SLC7A11: variants seen among roughly 807,000 people sequenced by gnomAD.
SLC7A11 encodes cystine/glutamate transporter.
In SLC7A11, 35 loss-of-function variants were observed where a neutral mutation model predicts 54.5. The observed-to-expected ratio is 0.64, with a 90% CI of 0.49 to 0.85. SLC7A11 has a LOEUF of 0.85. Among genes scored for constraint, SLC7A11 ranks in the 40% least tolerant of loss-of-function variants. The pLI is 0.00. For missense variants in SLC7A11, 583 were observed against 618.1 expected (o/e 0.94, Z 0.60); for synonymous variants, 230 against 225.2 (o/e 1.02, Z -0.19).
intron 3 of SLC7A11, among the ~76,000 whole-genome samples, chr4:138,226,428 T>C (rs1469680147): frequency 6.6e-6 from 1 of 152,102 alleles, no homozygotes; most frequent in Admixed American, 6.6e-5. Context: ...AAAAAAAAGA[T>C]GAATTTTTTT....
At chr4:138,180,331 C>T (rs1219567650) in intron 10 of SLC7A11, among the ~76,000 whole-genome samples, 1 of 152,100 alleles carries the variant, frequency 6.6e-6, no homozygotes, top group African/African-American at 2.4e-5. Context: ...ACAGAAGTAG[C>T]CCATACTTTG....
chr4:138,236,578 C>T (rs1441908563), intron 1 of SLC7A11, 127 bp from the exon 2 acceptor site: 4 of 849,638 alleles, frequency 4.7e-6, no homozygotes, highest in Non-Finnish European at 7.3e-6. Flanking sequence ...TGAATGGCAT[C>T]CTTACTCAAG....
intron 9 of SLC7A11, among the ~76,000 whole-genome samples, chr4:138,181,781 C>T (rs1307505624): frequency 6.6e-6 from 1 of 152,104 alleles, no homozygotes; most frequent in Non-Finnish European, 1.5e-5. Flanking sequence ...AAATTTACCT[C>T]GTGGTGCTTT....
intron 6 of SLC7A11, among the ~76,000 whole-genome samples, chr4:138,204,457 G>A (rs939756496): frequency 6.6e-6 from 1 of 151,936 alleles, no homozygotes; most frequent in Non-Finnish European, 1.5e-5. Flanking sequence ...AATTATCTGG[G>A]AGTGGACTTG....
intron 6 of SLC7A11, among the ~76,000 whole-genome samples, chr4:138,197,213 C>G (rs767368591): frequency 6.6e-6 from 1 of 151,986 alleles, no homozygotes; most frequent in Non-Finnish European, 1.5e-5. Flanking sequence ...TAAATTTATT[C>G]ATGTTTAATC....
chr4:138,231,137 T>A (rs1402143032), intron 3 of SLC7A11, among the ~76,000 whole-genome samples: 1 of 152,100 alleles, frequency 6.6e-6, no homozygotes, highest in Non-Finnish European at 1.5e-5. Flanking sequence ...AAATAATGTA[T>A]ACACATAGAC....
intron 2 of SLC7A11, among the ~76,000 whole-genome samples, chr4:138,233,661 A>G (rs4863777): frequency 0.43 from 64,720 of 151,874 alleles, 14,535 homozygotes; most frequent in Middle Eastern, 0.62. Flanking sequence ...TTCTTTTCCT[A>G]GACACCCTCC....
intron 6 of SLC7A11, among the ~76,000 whole-genome samples, chr4:138,192,544 T>A (rs1737036106): frequency 6.6e-6 from 1 of 151,574 alleles, no homozygotes; most frequent in South Asian, 2.1e-4. Flanking sequence ...GCTAGCATTA[T>A]TCTAACTAAT....
chr4:138,175,767 G>C (rs986889144), intron 11 of SLC7A11: 2 of 152,070 alleles, frequency 1.3e-5, no homozygotes, highest in South Asian at 2.1e-4. Flanking sequence ...TTCCCTGGCT[G>C]TCAGTTCTCA....
intron 6 of SLC7A11, among the ~76,000 whole-genome samples, chr4:138,200,423 A>C (rs1201083410): frequency 1.3e-5 from 2 of 152,140 alleles, no homozygotes. Flanking sequence ...TTTGACTAAC[A>C]GCTTTAGAAA....
intron 6 of SLC7A11, among the ~76,000 whole-genome samples, chr4:138,189,110 T>C (rs1736947218): frequency 6.6e-6 from 1 of 152,172 alleles, no homozygotes; most frequent in African/African-American, 2.4e-5. Flanking sequence ...TTGCTTTATT[T>C]GAAATTGTTA....
Position 138,164,394 on chromosome 4 carries a change from G to A in SLC7A11, c.*7562C>T, listed in dbSNP as rs1054204652. The A allele has an allele frequency of 2.6e-5, 4 of 152,086 alleles. No homozygotes were observed. The highest frequency in any genetic ancestry group is 9.7e-5 in the African/African-American group (4 of 41,448). 9.4% of individuals were successfully genotyped at this position (152,086 alleles called of 1,614,324 possible). A position where few individuals can be genotyped will look rare whatever the true frequency, so the allele number is the denominator to read the frequency against. ...GCCCATAAACACCATCTGGCATTGT[G>A]ATTGCAGTACCAGAACTCTCCCCAG... On this transcript the variant is annotated 3_prime_UTR_variant, in exon 12 of 12. Coordinates refer to ENST00000280612, the MANE Select transcript of SLC7A11 (RefSeq NM_014331.4).
chr4:138,165,912 T>A lies in SLC7A11; in HGVS notation c.*6044A>T, dbSNP rs1264885668. The stretch of plus-strand genomic sequence containing the variant: ...AAATTGTTGGAGAATTCTGGTTGTT[T>A]GTGCAATAATCATAGTGATTTACAT... On this transcript the variant is annotated 3_prime_UTR_variant, in exon 12 of 12. Transcript: ENST00000280612. The A allele has an allele frequency of 6.6e-6, 1 of 152,216 alleles. No homozygotes were observed. The highest frequency in any genetic ancestry group is 1.9e-4 in the East Asian group (1 of 5,194). 9.4% of individuals were successfully genotyped at this position (152,216 alleles called of 1,614,324 possible).
At chr4:138,197,664 T>C (rs965593031) in intron 6 of SLC7A11, among the ~76,000 whole-genome samples, 7 of 151,964 alleles carry the variant, frequency 4.6e-5, no homozygotes, top group African/African-American at 9.7e-5. Flanking sequence ...ATTCTCTTCA[T>C]CCACTTGAAC....
intron 4 of SLC7A11, 44 bp from the exon 5 acceptor site, chr4:138,219,409 G>A (rs764882187): frequency 8.6e-7 from 1 of 1,168,406 alleles, no homozygotes; most frequent in Non-Finnish European, 1.3e-6. Context: ...CAAAGAATTG[G>A]TTCTTATTCA....
intron 6 of SLC7A11, among the ~76,000 whole-genome samples, chr4:138,214,242 C>T (rs569276748): frequency 6.6e-6 from 1 of 151,988 alleles, no homozygotes; most frequent in African/African-American, 2.4e-5. Context: ...TTCAAGCTAT[C>T]CCGTGGGTAG....
intron 11 of SLC7A11, chr4:138,174,730 G>A (rs536421215): frequency 2.6e-5 from 4 of 152,112 alleles, no homozygotes; most frequent in Admixed American, 6.5e-5. Flanking sequence ...ATCAACCCGC[G>A]GTACTCTTTC....
intron 6 of SLC7A11, among the ~76,000 whole-genome samples, chr4:138,213,957 T>G (rs1331288428): frequency 6.6e-6 from 1 of 152,136 alleles, no homozygotes; most frequent in East Asian, 1.9e-4. Flanking sequence ...AAATCCAATG[T>G]TTATGAACAA....
At chr4:138,210,593 G>A (rs1290826405) in intron 6 of SLC7A11, among the ~76,000 whole-genome samples, 1 of 151,884 alleles carries the variant, frequency 6.6e-6, no homozygotes, top group Non-Finnish European at 1.5e-5. Context: ...AAGACATGAA[G>A]AGACACTTCT....
Sources: gnomAD v4.1 joint callset for allele counts (sites outside exome capture counted in the v4.1 genomes callset) on GRCh38, gnomAD v4.1.1 for gene constraint, MANE v1.5 for transcripts, NCBI Gene and HGNC (gene_info 2026-07-23, HGNC 2026-07-21) for gene names.